The following PPM1L variants were observed in gnomAD, a reference collection of about 807,000 sequenced individuals.
The protein encoded by PPM1L is protein phosphatase 1L.
Under a neutral mutation model 31.4 loss-of-function variants are expected in PPM1L, and 13 were observed. The observed-to-expected ratio is 0.41, with a 90% CI of 0.27 to 0.66. PPM1L has a LOEUF of 0.66. PPM1L is among the 30% of genes least tolerant of loss of function. The pLI, the probability that PPM1L is intolerant of heterozygous loss-of-function variation, is 0.29. For synonymous variants in PPM1L, 184 were observed against 175.4 expected, an observed-to-expected ratio of 1.05 and a Z score of -0.39; for missense variants, 326 against 453.7, an observed-to-expected ratio of 0.72 and a Z score of 2.56.
chr3:160,776,309 C>T (rs1168126068), intron 1 of PPM1L, among the ~76,000 whole-genome samples: 1 of 151,828 alleles, frequency 6.6e-6, no homozygotes, highest in East Asian at 1.9e-4. Context: ...ACAGAAGTTG[C>T]TTTGTGTGTG....
chr3:160,784,445 C>G (rs1358857869), intron 1 of PPM1L, among the ~76,000 whole-genome samples: 1 of 151,982 alleles, frequency 6.6e-6, no homozygotes, highest in African/African-American at 2.4e-5. Flanking sequence ...TTGCAGAAAA[C>G]TGGAGCTTTA....
chr3:160,796,438 G>A (rs982412284), intron 1 of PPM1L, among the ~76,000 whole-genome samples: 1 of 152,136 alleles, frequency 6.6e-6, no homozygotes, highest in African/African-American at 2.4e-5. Context: ...ACATCAGATA[G>A]CACATTAAAT....
chr3:160,811,686 G>T (rs2108084784), intron 1 of PPM1L, among the ~76,000 whole-genome samples: 1 of 152,310 alleles, frequency 6.6e-6, no homozygotes. Context: ...GAGCTAGATA[G>T]ATATGGTTCT....
At chr3:161,044,670 C>T (rs1198236374) in intron 2 of PPM1L, among the ~76,000 whole-genome samples, 3 of 152,106 alleles carry the variant, frequency 2.0e-5, no homozygotes, top group African/African-American at 7.2e-5. Flanking sequence ...CAAAAACATG[C>T]CAAAATGTAA....
chr3:161,008,722 C>G (rs1029268775), intron 2 of PPM1L, among the ~76,000 whole-genome samples: 3 of 152,034 alleles, frequency 2.0e-5, no homozygotes, highest in African/African-American at 7.2e-5. Flanking sequence ...GTTTTTGACC[C>G]AAACAGCTGC....
At chr3:160,955,658 T>TC in intron 1 of PPM1L, among the ~76,000 whole-genome samples, 1 of 150,828 alleles carries the variant, frequency 6.6e-6, no homozygotes. Context: ...AGTTTTCTTT[T>TC]TTTTTTTTTT....
At chr3:160,867,486 T>C (rs906243560) in intron 1 of PPM1L, among the ~76,000 whole-genome samples, 1 of 152,144 alleles carries the variant, frequency 6.6e-6, no homozygotes, top group East Asian at 1.9e-4. Context: ...TTATTAGTTA[T>C]AAGTAACTTT....
intron 2 of PPM1L, among the ~76,000 whole-genome samples, chr3:160,966,553 A>G (rs1716153213): frequency 6.6e-6 from 1 of 152,134 alleles, no homozygotes; most frequent in Non-Finnish European, 1.5e-5. Flanking sequence ...ACCACTCACT[A>G]AATATTCTCT....
At chr3:160,945,133 C>A (rs1715365863) in intron 1 of PPM1L, among the ~76,000 whole-genome samples, 1 of 116,070 alleles carries the variant, frequency 8.6e-6, no homozygotes, top group Non-Finnish European at 1.7e-5. Flanking sequence ...ATCTATCTAT[C>A]TATCTATCTA....
chr3:161,021,876 T>C (rs1718244508), intron 2 of PPM1L, among the ~76,000 whole-genome samples: 1 of 152,110 alleles, frequency 6.6e-6, no homozygotes, highest in African/African-American at 2.4e-5. Context: ...CTCTTTACTC[T>C]TAACATATTT....
At chr3:160,904,514 C>T (rs560933946) in intron 1 of PPM1L, among the ~76,000 whole-genome samples, 6 of 152,052 alleles carry the variant, frequency 3.9e-5, no homozygotes, top group Admixed American at 6.5e-5. Flanking sequence ...TTTGAATGTC[C>T]AAGTGTGGAA....
intron 1 of PPM1L, among the ~76,000 whole-genome samples, chr3:160,774,806 T>C (rs1437160209): frequency 6.6e-6 from 1 of 152,190 alleles, no homozygotes; most frequent in Non-Finnish European, 1.5e-5. Flanking sequence ...CCTTTGAATT[T>C]ATGGTCTGTT....
intron 2 of PPM1L, among the ~76,000 whole-genome samples, chr3:161,048,078 T>C (rs889487288): frequency 3.9e-5 from 6 of 152,252 alleles, no homozygotes; most frequent in African/African-American, 1.4e-4. Context: ...AAAGCCAAAA[T>C]TGACAAATGG....
At chr3:160,804,093 CT>C (rs1255359891) in intron 1 of PPM1L, among the ~76,000 whole-genome samples, 80 of 144,790 alleles carry the variant, frequency 5.5e-4, no homozygotes, top group South Asian at 6.5e-4. Context: ...AATTTTTTTT[CT>C]TTTTTTTTTT....
chr3:160,786,123 A>ATT (rs201243017), intron 1 of PPM1L, among the ~76,000 whole-genome samples: 3 of 56,198 alleles, frequency 5.3e-5, no homozygotes, highest in South Asian at 5.4e-4. Flanking sequence ...ATGGAATCTC[A>ATT]TTTTTCTCTC....
intron 1 of PPM1L, among the ~76,000 whole-genome samples, chr3:160,945,256 C>T (rs1715372378): frequency 1.3e-5 from 2 of 151,530 alleles, no homozygotes; most frequent in African/African-American, 4.9e-5. Context: ...TGCATACCAT[C>T]CAGTCCCTGT....
rs183833904 is a variant in PPM1L, at chr3:160,779,917, T to A, written c.399+23210T>A. Among the ~76,000 whole-genome samples, 117 of 150,228 alleles carry A rather than the reference T, an allele frequency of 7.8e-4. 1 individual carries two copies. In the South Asian group the frequency reaches 9.7e-3, roughly 12 times the overall value. On this transcript the variant is annotated intron_variant, in intron 1 of 3. Transcript: ENST00000498165. ...TCTTCATCTGAAAAAATGCGAATGA[T>A]TTTTTTTTTAGTATGTACCTCATAG...
At chr3:160,776,654 A>G (rs2108064149) in intron 1 of PPM1L, among the ~76,000 whole-genome samples, 1 of 145,998 alleles carries the variant, frequency 6.8e-6, no homozygotes, top group South Asian at 2.2e-4. Flanking sequence ...CCCAGGTTAT[A>G]GTGCAGTGGC....
intron 1 of PPM1L, among the ~76,000 whole-genome samples, chr3:160,833,528 C>A (rs1713588392): frequency 6.6e-6 from 1 of 152,068 alleles, no homozygotes; most frequent in African/African-American, 2.4e-5. Context: ...CTCTAATGAT[C>A]AGTGATGTTG....
Sources: allele counts gnomAD v4.1 joint callset (sites outside exome capture counted in the v4.1 genomes callset), GRCh38; gene constraint gnomAD v4.1.1; transcripts MANE v1.5; gene names NCBI Gene and HGNC (gene_info 2026-07-23, HGNC 2026-07-21).